The following ADGRF5 variants were observed in gnomAD, a reference collection of about 807,000 sequenced individuals.
ADGRF5 encodes adhesion G protein-coupled receptor F5.
In ADGRF5, 75 loss-of-function variants were observed where a neutral mutation model predicts 132.3. The ratio of observed to expected loss-of-function variants is 0.57; its 90% CI spans 0.47 to 0.69. The LOEUF is 0.69. Among genes scored for constraint, ADGRF5 ranks in the 30% least tolerant of loss-of-function variants. The probability of loss-of-function intolerance (pLI) is 0.00; values close to 1 mark genes in which losing one functional copy is unlikely to be tolerated. For synonymous variants in ADGRF5, 629 were observed against 597.6 expected, an observed-to-expected ratio of 1.05 and a Z score of -0.77; for missense variants, 1,516 against 1,630.6, an observed-to-expected ratio of 0.93 and a Z score of 1.21.
At chr6:46,887,438 T>C (rs1773169643) in intron 4 of ADGRF5, among the ~76,000 whole-genome samples, 1 of 152,126 alleles carries the variant, frequency 6.6e-6, no homozygotes, top group Admixed American at 6.5e-5. Flanking sequence ...CACATTGGCA[T>C]CCAACTGGAA....
chr6:46,926,674 C>T (rs1777264231), upstream of ADGRF5, among the ~76,000 whole-genome samples: 1 of 152,108 alleles, frequency 6.6e-6, no homozygotes. Flanking sequence ...CTTCTGATGC[C>T]CATGGTATGA....
chr6:46,907,730 G>A (rs1360277045), intron 1 of ADGRF5: 1 of 152,134 alleles, frequency 6.6e-6, no homozygotes, highest in East Asian at 1.9e-4. Context: ...ATGCTAGACT[G>A]AGAGACACAA....
intron 1 of ADGRF5, among the ~76,000 whole-genome samples, chr6:46,918,677 T>C (rs1220116948): frequency 2.0e-5 from 3 of 152,292 alleles, no homozygotes; most frequent in East Asian, 1.9e-4. Flanking sequence ...GTCAGTGGGG[T>C]TGTTCCAATT....
chr6:46,917,417 G>A (rs184025155), intron 1 of ADGRF5, among the ~76,000 whole-genome samples: 7 of 152,320 alleles, frequency 4.6e-5, no homozygotes, highest in African/African-American at 1.7e-4. Flanking sequence ...GGACTCTGAA[G>A]TCAGACTGCC....
intron 4 of ADGRF5, among the ~76,000 whole-genome samples, chr6:46,885,658 C>G (rs185703062): frequency 6.6e-4 from 100 of 152,246 alleles, no homozygotes; most frequent in African/African-American, 2.2e-3. Flanking sequence ...GTGACTTTCA[C>G]GGCTTTAGTG....
intron 1 of ADGRF5, among the ~76,000 whole-genome samples, chr6:46,926,985 T>C (rs368748152): frequency 6.6e-6 from 1 of 152,156 alleles, no homozygotes; most frequent in Non-Finnish European, 1.5e-5. Context: ...GGATACCATA[T>C]ACTGCAGTAA....
chr6:46,950,559 G>A (rs1042191828), intron 1 of ADGRF5, among the ~76,000 whole-genome samples: 11 of 152,246 alleles, frequency 7.2e-5, no homozygotes, highest in Admixed American at 7.2e-4. Flanking sequence ...CCTGTCGCCA[G>A]GCTGGAGTGC....
At chr6:46,911,644 A>T (rs985372054) in intron 1 of ADGRF5, among the ~76,000 whole-genome samples, 1 of 152,140 alleles carries the variant, frequency 6.6e-6, no homozygotes, top group Non-Finnish European at 1.5e-5. Flanking sequence ...ACACACACTT[A>T]GTCTAGGCCT....
intron 10 of ADGRF5, among the ~76,000 whole-genome samples, chr6:46,873,120 C>T (rs1771273728): frequency 6.6e-6 from 1 of 152,096 alleles, no homozygotes; most frequent in African/African-American, 2.4e-5. Flanking sequence ...CAGGACATCC[C>T]TTCATCCTTT....
At chr6:46,899,987 A>G (rs373781718) in intron 3 of ADGRF5, 42 bp downstream of exon 3, 33 of 1,412,810 alleles carry the variant, frequency 2.3e-5, no homozygotes, top group Non-Finnish European at 3.2e-5. Context: ...ATACCATTTG[A>G]GTCAACTTAT....
At chr6:46,874,481 G>A (rs1356972788) in intron 10 of ADGRF5, among the ~76,000 whole-genome samples, 1 of 152,198 alleles carries the variant, frequency 6.6e-6, no homozygotes, top group Non-Finnish European at 1.5e-5. Context: ...GGTTCCATAA[G>A]AAAGAAGTCA....
At chr6:46,887,851 T>C (rs1013249879) in intron 4 of ADGRF5, 2 of 153,020 alleles carry the variant, frequency 1.3e-5, no homozygotes, top group Non-Finnish European at 2.9e-5. Flanking sequence ...GCCTAAGAGG[T>C]TCTACTTAAT....
intron 1 of ADGRF5, among the ~76,000 whole-genome samples, chr6:46,907,031 TAGC>T: frequency 6.6e-6 from 1 of 152,268 alleles, no homozygotes; most frequent in Non-Finnish European, 1.5e-5. Context: ...AGGACAAAGG[TAGC>T]AGATGTTTGA....
chr6:46,926,134 A>G (rs1160739274), upstream of ADGRF5, among the ~76,000 whole-genome samples: 1 of 152,118 alleles, frequency 6.6e-6, no homozygotes, highest in Non-Finnish European at 1.5e-5. Context: ...CAGAGCCTCC[A>G]CTAATGGAAT....
intron 1 of ADGRF5, among the ~76,000 whole-genome samples, chr6:46,942,581 T>C (rs998514796): frequency 2.0e-5 from 3 of 152,300 alleles, no homozygotes; most frequent in African/African-American, 7.2e-5. Context: ...AATTAAGTAT[T>C]TAGAGCAGAA....
chr6:46,880,164 G>A, intron 8 of ADGRF5, 125 bp from the exon 9 acceptor site: 1 of 674,920 alleles, frequency 1.5e-6, no homozygotes, highest in South Asian at 1.8e-5. Context: ...TGAACTGGCT[G>A]AGGCAATGTG....
intron 1 of ADGRF5, among the ~76,000 whole-genome samples, chr6:46,911,280 A>T (rs755104664): frequency 4.0e-4 from 61 of 152,238 alleles, no homozygotes; most frequent in African/African-American, 1.3e-3. Flanking sequence ...TGTAATAAGC[A>T]TCTATAATAC....
chr6:46,954,245 C>CT (rs11341848), intron 1 of ADGRF5, among the ~76,000 whole-genome samples: 67 of 150,226 alleles, frequency 4.5e-4, no homozygotes, highest in Middle Eastern at 3.4e-3. Flanking sequence ...ACAAAGTACT[C>CT]TTTTTTTTTT....
rs796610068 is a variant in ADGRF5 at position 46,897,322 on chromosome 6, C to CA, written c.157+2706dup. 2.9e-3 allele frequency among the ~76,000 whole-genome samples: 414 copies of CA among 143,368 alleles called. 4 individuals carry two copies. The highest frequency in any genetic ancestry group is 8.7e-3 in the African/African-American group (342 of 39,098). 94.1% of individuals were successfully genotyped at this position (143,368 alleles called of 152,430 possible). ...ATGCTAAAGATTTTGTCCAGTGACT[C>CA]AAAAAAAAAAGAAAAAAACTCCTGA... On this transcript the variant is annotated intron_variant, in intron 3 of 20. Transcript: ENST00000283296.
Sources: gnomAD v4.1 joint callset for allele counts (sites outside exome capture counted in the v4.1 genomes callset) on GRCh38, gnomAD v4.1.1 for gene constraint, MANE v1.5 for transcripts, NCBI Gene and HGNC (gene_info 2026-07-23, HGNC 2026-07-21) for gene names.